Variants in SPON1 observed in about 807,000 individuals in gnomAD.
SPON1 encodes the protein spondin 1, also known as spondin-1.
SPON1 carries 52 observed loss-of-function variants against 111.7 expected under a neutral mutation model. The observed-to-expected ratio is 0.47, with a 90% CI of 0.37 to 0.59. The LOEUF is 0.59. Ranked by LOEUF, SPON1 falls within the 20% of genes least tolerant of loss-of-function variation. The pLI is 0.00. For synonymous variants in SPON1, 410 were observed against 395.8 expected, an observed-to-expected ratio of 1.04 and a Z score of -0.43; for missense variants, 957 against 1,068.5, an observed-to-expected ratio of 0.90 and a Z score of 1.46.
intron 6 of SPON1, among the ~76,000 whole-genome samples, chr11:14,203,163 C>G (rs1848482533): frequency 6.6e-6 from 1 of 152,194 alleles, no homozygotes; most frequent in Admixed American, 6.5e-5. Context: ...CATTTCTAAG[C>G]AACGGAGCAG....
At chr11:14,192,227 A>G (rs1554934632) in intron 6 of SPON1, among the ~76,000 whole-genome samples, 1 of 137,022 alleles carries the variant, frequency 7.3e-6, no homozygotes, top group African/African-American at 2.7e-5. Context: ...TTATGGCTAA[A>G]AGACAAGGTA....
At chr11:14,167,829 C>T (rs1416705698) in intron 6 of SPON1, among the ~76,000 whole-genome samples, 1 of 152,090 alleles carries the variant, frequency 6.6e-6, no homozygotes, top group Non-Finnish European at 1.5e-5. Flanking sequence ...AATAATTTCT[C>T]TTAAATCTTA....
chr11:14,263,395 G>T (rs541890731), intron 15 of SPON1, among the ~76,000 whole-genome samples: 2 of 152,210 alleles, frequency 1.3e-5, no homozygotes, highest in South Asian at 2.1e-4. Context: ...AAGGAGTCTT[G>T]TCTTGTTCAT....
intron 6 of SPON1, among the ~76,000 whole-genome samples, chr11:14,152,663 T>C (rs10400307): frequency 0.014 from 2,189 of 152,338 alleles, 51 homozygotes; most frequent in African/African-American, 0.05. Flanking sequence ...TCATAGGATT[T>C]CATAAGTGCA....
At chr11:14,167,163 A>G (rs1487839308) in intron 6 of SPON1, among the ~76,000 whole-genome samples, 1 of 152,180 alleles carries the variant, frequency 6.6e-6, no homozygotes, top group African/African-American at 2.4e-5. Context: ...ACACCATTTC[A>G]TATTTGATGA....
At position 14,265,704 on chromosome 11, in the gene SPON1, C is replaced by A; in HGVS notation, c.*17C>A. The A allele has an allele frequency of 6.2e-7, 1 of 1,610,942 alleles. No homozygotes were observed. The highest frequency in any genetic ancestry group is 1.1e-5 in the South Asian group (1 of 90,272). ...CCTTGTTAGCAAGGGTACGAGTTCC[C>A]CAGGGCTGCACTCTAGATTCCAGAG... On this transcript the variant is annotated 3_prime_UTR_variant, in exon 16 of 16. Coordinates refer to ENST00000576479, the MANE Select transcript of SPON1 (RefSeq NM_006108.4).
At chr11:14,120,210 T>C (rs1221534838) in intron 5 of SPON1, among the ~76,000 whole-genome samples, 1 of 152,142 alleles carries the variant, frequency 6.6e-6, no homozygotes, top group Admixed American at 6.5e-5. Flanking sequence ...TATAGTAAAG[T>C]CTCACTACAT....
chr11:14,265,562 A>G lies in SPON1; in HGVS notation c.2299A>G (p.Thr767Ala). 1.2e-6 allele frequency: 2 copies of G among 1,613,736 alleles called. No homozygotes were observed. The highest frequency in any genetic ancestry group is 4.5e-5 in the East Asian group (2 of 44,878). Residue 767 changes from threonine (T) to alanine (A), a missense_variant, in exon 16 of 16, where the codon ACC becomes GCC. Thr to Ala is a moderately conservative substitution (Grantham distance 58, BLOSUM62 0). Around this residue, in one of 5 missense-constraint regions of SPON1, gnomAD observed 549 missense variants for 606.2 expected, o/e 0.91. Coordinates refer to ENST00000576479, the MANE Select transcript of SPON1 (RefSeq NM_006108.4). ...MRPWTAWSEC[T>A]KLCGGGIQER... ...CCCATGGACGGCCTGGTCAGAATGC[A>G]CCAAACTGTGCGGAGGTGGAATTCA...
At chr11:14,007,360 A>C (rs1342478504) in intron 2 of SPON1, among the ~76,000 whole-genome samples, 1 of 152,226 alleles carries the variant, frequency 6.6e-6, no homozygotes, top group African/African-American at 2.4e-5. Flanking sequence ...AAGGAGAGCC[A>C]GTCCAAGTCC....
chr11:13,990,447 T>G (rs1222865440), intron 2 of SPON1, among the ~76,000 whole-genome samples: 7 of 146,844 alleles, frequency 4.8e-5, no homozygotes, highest in African/African-American at 1.8e-4. Flanking sequence ...CATCCCTTTA[T>G]TTTGAGCCTA....
At chr11:14,254,096 G>T (rs574796449) in intron 7 of SPON1, among the ~76,000 whole-genome samples, 7 of 152,332 alleles carry the variant, frequency 4.6e-5, no homozygotes, top group Admixed American at 2.0e-4. Context: ...GGTACAGTCT[G>T]GCGCTGGACA....
Position 14,088,797 on chromosome 11 carries a change from T to C in SPON1, c.676+8776T>C, listed in dbSNP as rs1300514906. Among the ~76,000 whole-genome samples the C allele has an allele frequency of 3.3e-5, 5 of 152,156 alleles. No individual in the cohort carries two copies. The East Asian group carries it at 7.7e-4, about 23-fold the overall frequency. ...CAATTGTAGGTTTGGTCTTTTCATA[T>C]ACTCCCATATTTCTTAGAGGCTGTG... On this transcript the variant is annotated intron_variant, in intron 5 of 15. Transcript: ENST00000576479.
chr11:14,107,962 G>C (rs1254155264), intron 5 of SPON1, among the ~76,000 whole-genome samples: 1 of 152,148 alleles, frequency 6.6e-6, no homozygotes, highest in African/African-American at 2.4e-5. Context: ...ACGTGTCTGT[G>C]CCTCAGTTTT....
intron 2 of SPON1, among the ~76,000 whole-genome samples, chr11:14,009,509 T>C (rs1554913508): frequency 2.6e-5 from 4 of 152,238 alleles, no homozygotes. Context: ...GGAAAATCTT[T>C]CCTTAGCACC....
intron 1 of SPON1, among the ~76,000 whole-genome samples, chr11:13,969,197 T>C (rs1216642296): frequency 1.8e-5 from 2 of 108,842 alleles, no homozygotes; most frequent in African/African-American, 3.5e-5. Context: ...CTGGACAATA[T>C]GGCAAAACCC....
At chr11:14,098,754 A>G (rs1849121904) in intron 5 of SPON1, among the ~76,000 whole-genome samples, 1 of 152,000 alleles carries the variant, frequency 6.6e-6, no homozygotes. Flanking sequence ...CAGCCAGAGA[A>G]TGATGCACTG....
intron 5 of SPON1, among the ~76,000 whole-genome samples, chr11:14,133,992 T>A (rs1434187628): frequency 6.6e-6 from 1 of 151,752 alleles, no homozygotes; most frequent in African/African-American, 2.4e-5. Flanking sequence ...GGGGAAGCGA[T>A]GTGAGCTGTA....
intron 9 of SPON1, 124 bp downstream of exon 9, chr11:14,255,911 T>C: frequency 9.5e-7 from 1 of 1,051,154 alleles, no homozygotes; most frequent in Non-Finnish European, 1.3e-6. Flanking sequence ...ATGGAATTCC[T>C]GGGCCTCCCC....
intron 5 of SPON1, among the ~76,000 whole-genome samples, chr11:14,105,883 AG>A (rs1849180982): frequency 6.6e-6 from 1 of 152,236 alleles, no homozygotes; most frequent in African/African-American, 2.4e-5. Flanking sequence ...ATTCAGAATT[AG>A]ATATTACATT....
Sources: gnomAD v4.1 joint callset for allele counts (sites outside exome capture counted in the v4.1 genomes callset) on GRCh38, gnomAD v4.1.1 for gene constraint, gnomAD v4.1.1 regional missense constraint, MANE v1.5 for transcripts, NCBI Gene and HGNC (gene_info 2026-07-23, HGNC 2026-07-21) for gene names.